Variants in PVR observed in about 807,000 individuals in gnomAD.
PVR encodes the protein PVR cell adhesion molecule, also known as poliovirus receptor.
Under a neutral mutation model 43.3 loss-of-function variants are expected in PVR, and 39 were observed. The observed-to-expected ratio is 0.90, with a 90% CI of 0.70 to 1.18. The LOEUF (loss-of-function observed/expected upper bound fraction) is 1.18. PVR is among the 50% of genes most tolerant of loss of function. The probability of loss-of-function intolerance (pLI) is 0.00; values close to 1 mark genes in which losing one functional copy is unlikely to be tolerated. For missense variants in PVR, 480 were observed against 549.7 expected (o/e 0.87, Z 1.27); for synonymous variants, 224 against 233.2 (o/e 0.96, Z 0.36).
At chr19:44,661,452 C>A in intron 7 of PVR, 129 bp downstream of exon 7, 1 of 1,029,524 alleles carries the variant, frequency 9.7e-7, no homozygotes, top group Non-Finnish European at 1.5e-6. Context: ...CAGCATTTCC[C>A]AACCCTTCCT....
Position 44,661,764 on chromosome 19 carries a change from A to C in PVR, c.1207A>C (p.Arg403=), listed in dbSNP as rs1396989432. The C allele has an allele frequency of 1.2e-6, 2 of 1,613,908 alleles. No individual in the cohort carries two copies. Among genetic ancestry groups the C allele is most frequent in the Admixed American group, 1.7e-5 (1 of 60,004 alleles). The change falls in exon 8 of 8, where the codon AGA becomes CGA. Residue 403 remains arginine (R), a synonymous_variant. Transcript: ENST00000425690. ...GCATGTCTCCTATTCAGCTGTGAGC[A>C]GAGAGAACAGCTCTTCCCAGGATCC... ...NGHVSYSAVS[R]ENSSSQDPQT...
chr19:44,660,569 G>T (rs1291846918), intron 6 of PVR, among the ~76,000 whole-genome samples: 5 of 151,928 alleles, frequency 3.3e-5, no homozygotes, highest in African/African-American at 9.7e-5. Context: ...GCCCAGACTG[G>T]AGTAGTGCAG....
In PVR at chr19:44,650,057, G is replaced by T. The variant is rs139528439; in HGVS notation, c.676G>T (p.Glu226Ter). The T allele has an allele frequency of 2.4e-5, 38 of 1,554,250 alleles. No homozygotes were observed. The Admixed American group carries it at 3.6e-4, about 15-fold the overall frequency. ...GKNVTCKVEH[E>*]SFEKPQLLTV... is the part of the protein sequence containing the mutation. ...GAATGTGACCTGCAAGGTGGAGCAC[G>T]AGAGCTTTGAGAAGCCTCAGCTGCT... Residue 226 changes from glutamate (E) to a stop codon, truncating the protein, a stop_gained, in exon 3 of 8, where the codon GAG (glutamate) becomes TAG (stop). Transcript: ENST00000425690. LOFTEE classifies it high-confidence loss of function.
At position 44,661,881 on chromosome 19, in the gene PVR, C is replaced by T. The variant is rs1973601788; in HGVS notation, c.*70C>T. On this transcript the variant is annotated 3_prime_UTR_variant, in exon 8 of 8. Coordinates refer to ENST00000425690, the MANE Select transcript of PVR (RefSeq NM_006505.5). Reference sequence around the variant, plus strand: ...CGTGGGCCTCCAGAGTTGGACCCGACCCCAATGGATGAAGACCCCCTCCAA... The same window carrying T: ...CGTGGGCCTCCAGAGTTGGACCCGATCCCAATGGATGAAGACCCCCTCCAA... The T allele has an allele frequency of 7.0e-7, 1 of 1,421,600 alleles. No homozygotes were observed. The allele number at this position is 1,421,600 out of a possible 1,614,324, so 88.1% of individuals were successfully genotyped here.
chr19:44,647,046 C>T (rs934187833), intron 1 of PVR, among the ~76,000 whole-genome samples, 177 bp from the exon 2 acceptor site: 52 of 152,340 alleles, frequency 3.4e-4, no homozygotes, highest in African/African-American at 1.2e-3. Context: ...TTACCCTCCT[C>T]GCCTGCCATG....
intron 4 of PVR, among the ~76,000 whole-genome samples, chr19:44,656,443 G>A (rs1333957303): frequency 1.3e-5 from 2 of 152,144 alleles, no homozygotes; most frequent in African/African-American, 4.8e-5. Flanking sequence ...CCAGCTCTGC[G>A]GAGCACCCAA....
In PVR at chr19:44,649,895, C is replaced by T. The variant is rs141458807; in HGVS notation, c.514C>T (p.Arg172Cys). 8.1e-6 allele frequency: 13 copies of T among 1,613,740 alleles called. No individual in the cohort carries two copies. Among genetic ancestry groups the T allele is most frequent in the African/African-American group, 1.3e-5 (1 of 74,922 alleles). Residue 172 changes from arginine (R) to cysteine (C), a missense_variant, in exon 3 of 8, where the codon CGC becomes TGC. Physicochemically the swap from Arg to Cys is radical, Grantham distance 180 (BLOSUM62 -3). Coordinates refer to ENST00000425690, the MANE Select transcript of PVR (RefSeq NM_006505.5). ...GGCCCGCTGCGTCTCCACAGGGGGT[C>T]GCCCGCCAGCCCAAATCACCTGGCA... ...PMARCVSTGG[R>C]PPAQITWHSD...
intron 1 of PVR, among the ~76,000 whole-genome samples, chr19:44,645,003 TA>T (rs201537825): frequency 0.011 from 1,171 of 111,342 alleles, 7 homozygotes; most frequent in South Asian, 0.036. Flanking sequence ...TAATATATAA[TA>T]AAAATATATA....
chr19:44,645,415 GTATATATATATA>G lies in PVR; in HGVS notation c.79+1259_79+1270del, dbSNP rs71171276. On this transcript the variant is annotated intron_variant, in intron 1 of 7. Coordinates refer to ENST00000425690, the MANE Select transcript of PVR (RefSeq NM_006505.5). ...TTTATTATTTATTTATATGTTTTGT[GTATATATATATA>G]TATATATATATATATATAGTGCGTG... Among the ~76,000 whole-genome samples the G allele has an allele frequency of 8.5e-4, 71 of 83,820 alleles. 4 individuals carry two copies. Among genetic ancestry groups the G allele is most frequent in the African/African-American group, 3.3e-3 (59 of 17,640 alleles). 55.0% of individuals were successfully genotyped at this position (83,820 alleles called of 152,430 possible).
At chr19:44,645,432 TATATATATATA>T (rs1156730534) in intron 1 of PVR, among the ~76,000 whole-genome samples, 1 of 115,214 alleles carries the variant, frequency 8.7e-6, no homozygotes, top group Non-Finnish European at 1.7e-5. Flanking sequence ...TATATATATA[TATATATATATA>T]TAGTGCGTGT....
chr19:44,658,836 G>A lies in PVR; in HGVS notation c.1086G>A (p.Gly362=). 3 of 1,614,116 alleles carry A rather than the reference G, an allele frequency of 1.9e-6. No individual in the cohort carries two copies. The highest frequency in any genetic ancestry group is 2.5e-6 in the Non-Finnish European group (3 of 1,179,998). The change falls in exon 6 of 8, where the codon GGG becomes GGA. Residue 362 remains glycine, a synonymous_variant. Coordinates refer to ENST00000425690, the MANE Select transcript of PVR (RefSeq NM_006505.5). ...ILVFLILLGI[G]IYFYWSKCSR... ...TTTTTCTGATCCTGCTGGGGATCGG[G>A]ATTTATTTCTATTGGTCCAAATGTT...
In PVR at chr19:44,662,715, C is replaced by T. The variant is rs1193324527; in HGVS notation, c.*904C>T. Reference sequence around the variant, plus strand: ...GCCCAGGAGCTGAGGATAAAGGGCCCGATCTTTCTTTGGGCAAGGTTAAGC... The same window carrying T: ...GCCCAGGAGCTGAGGATAAAGGGCCTGATCTTTCTTTGGGCAAGGTTAAGC... On this transcript the variant is annotated 3_prime_UTR_variant, in exon 8 of 8. Transcript: ENST00000425690. The T allele has an allele frequency of 6.6e-6, 1 of 152,190 alleles. No homozygotes were observed. The highest frequency in any genetic ancestry group is 1.5e-5 in the Non-Finnish European group (1 of 68,056). The allele number at this position is 152,190 out of a possible 1,614,324, so 9.4% of individuals were successfully genotyped here.
Position 44,644,933 on chromosome 19 carries a change from G to A in PVR, c.79+758G>A, listed in dbSNP as rs181878326. ...GGATTTCACCATGTTGGCCAGGCTG[G>A]TCTCAAACTCCTGATAAATATATAT... On this transcript the variant is annotated intron_variant, in intron 1 of 7. Coordinates refer to ENST00000425690, the MANE Select transcript of PVR (RefSeq NM_006505.5). 8.9e-3 allele frequency among the ~76,000 whole-genome samples: 1,184 copies of A among 133,402 alleles called. 9 individuals carry two copies. Among genetic ancestry groups the A allele is most frequent in the Admixed American group, 0.017 (197 of 11,466 alleles). 87.5% of individuals were successfully genotyped at this position (133,402 alleles called of 152,430 possible). A position where few individuals can be genotyped will look rare whatever the true frequency, so the allele number is the denominator to read the frequency against.
At chr19:44,645,325 ATAT>A (rs1973078512) in intron 1 of PVR, among the ~76,000 whole-genome samples, 1 of 119,266 alleles carries the variant, frequency 8.4e-6, no homozygotes, top group South Asian at 2.3e-4. Flanking sequence ...TTTATAACAT[ATAT>A]TATTTATATA....
In PVR at chr19:44,657,831, AC is replaced by A; in HGVS notation, c.914del (p.Pro305GlnfsTer6). 1 of 1,613,976 alleles carries A rather than the reference AC, an allele frequency of 6.2e-7. No individual in the cohort carries two copies. Among genetic ancestry groups the A allele is most frequent in the Non-Finnish European group, 8.5e-7 (1 of 1,179,942 alleles). ...AQLLIRPVDK[P>X]INTTLICNVT... is the part of the protein sequence containing the mutation. ...AGCTCCTGATCCGTCCTGTGGACAA[AC>A]CAATCAACACAACTTTAATCTGCAA... On this transcript the variant is annotated frameshift_variant, in exon 5 of 8. Coordinates refer to ENST00000425690, the MANE Select transcript of PVR (RefSeq NM_006505.5). LOFTEE classifies it high-confidence loss of function.
chr19:44,654,775 G>A (rs999032954), intron 4 of PVR, among the ~76,000 whole-genome samples: 15 of 152,116 alleles, frequency 9.9e-5, no homozygotes, highest in African/African-American at 3.6e-4. Flanking sequence ...GCTATTGTTA[G>A]TGTTAGTGTA....
At chr19:44,645,077 AAT>A (rs1315069970) in intron 1 of PVR, among the ~76,000 whole-genome samples, 1 of 103,656 alleles carries the variant, frequency 9.6e-6, no homozygotes, top group Non-Finnish European at 1.8e-5. Flanking sequence ...AGTAATATAT[AAT>A]ATATAATAAA....
rs1973232808 is a variant in PVR at position 44,649,931 on chromosome 19, G to A, written c.550G>A (p.Gly184Ser). 2 of 1,612,832 alleles carry A rather than the reference G, an allele frequency of 1.2e-6. No individual in the cohort carries two copies. Among genetic ancestry groups the A allele is most frequent in the Non-Finnish European group, 1.7e-6 (2 of 1,179,314 alleles). Residue 184 changes from glycine (G) to serine (S), a missense_variant, in exon 3 of 8, where the codon GGC becomes AGC. Gly to Ser is a moderately conservative substitution (Grantham distance 56). Transcript: ENST00000425690. Reference sequence around the variant, plus strand: ...CCAAATCACCTGGCACTCAGACCTGGGCGGGATGCCCAATACGAGCCAGGT... The same window carrying A: ...CCAAATCACCTGGCACTCAGACCTGAGCGGGATGCCCAATACGAGCCAGGT... ...PAQITWHSDL[G>S]GMPNTSQVPG...
intron 4 of PVR, among the ~76,000 whole-genome samples, chr19:44,656,156 A>G (rs910872732): frequency 2.0e-5 from 3 of 152,186 alleles, no homozygotes; most frequent in African/African-American, 4.8e-5. Flanking sequence ...TCAAGCAGTC[A>G]TCTCACCTGG....
Sources: allele counts gnomAD v4.1 joint callset (sites outside exome capture counted in the v4.1 genomes callset), GRCh38; gene constraint gnomAD v4.1.1; transcripts MANE v1.5; gene names NCBI Gene and HGNC (gene_info 2026-07-23, HGNC 2026-07-21).